RIMS2: variants seen among roughly 807,000 people sequenced by gnomAD.
The protein encoded by RIMS2 is regulating synaptic membrane exocytosis 2, also known as regulating synaptic membrane exocytosis protein 2.
In RIMS2, 59 loss-of-function variants were observed where a neutral mutation model predicts 174.4. The ratio of observed to expected loss-of-function variants is 0.34; its 90% CI spans 0.27 to 0.42. The LOEUF (loss-of-function observed/expected upper bound fraction) is 0.42. RIMS2 is among the 10% of genes least tolerant of loss of function. RIMS2 has a pLI of 1.00. For synonymous variants in RIMS2, 606 were observed against 572.5 expected, an observed-to-expected ratio of 1.06 and a Z score of -0.84; for missense variants, 1,620 against 1,666.3, an observed-to-expected ratio of 0.97 and a Z score of 0.48.
intron 19 of RIMS2, among the ~76,000 whole-genome samples, chr8:104,110,875 A>C (rs1359852316): frequency 6.6e-6 from 1 of 152,210 alleles, no homozygotes; most frequent in East Asian, 1.9e-4. Flanking sequence ...AGCATTTTCC[A>C]AACTTTGTTT....
Position 103,931,018 on chromosome 8 carries a change from C to A in RIMS2, c.2245-245C>A, listed in dbSNP as rs570437870. On this transcript the variant is annotated intron_variant, in intron 11 of 23. Transcript: ENST00000504942. The stretch of plus-strand genomic sequence containing the variant: ...ATGTAATTATTTGCATGTTAATAAG[C>A]AATCACATTAAGATAATAAAAAGCC... Among the ~76,000 whole-genome samples the A allele has an allele frequency of 3.9e-5, 6 of 152,112 alleles. No individual in the cohort carries two copies. In the South Asian group the frequency reaches 1.2e-3, roughly 32 times the overall value.
At chr8:103,628,675 G>GT (rs1049524474) in intron 1 of RIMS2, among the ~76,000 whole-genome samples, 4 of 150,186 alleles carry the variant, frequency 2.7e-5, no homozygotes, top group Non-Finnish European at 5.9e-5. Context: ...GGCCCTTGGG[G>GT]TTTTTTGTTT....
intron 1 of RIMS2, among the ~76,000 whole-genome samples, chr8:103,608,754 C>A (rs1481126031): frequency 6.6e-6 from 1 of 152,150 alleles, no homozygotes; most frequent in Non-Finnish European, 1.5e-5. Context: ...ACCCGATTTT[C>A]CAGGTGCCGT....
At chr8:104,155,439 A>T (rs2098716926) in intron 19 of RIMS2, among the ~76,000 whole-genome samples, 1 of 94,010 alleles carries the variant, frequency 1.1e-5, no homozygotes. Context: ...TCTGAGACAG[A>T]GTCTTGCTCT....
chr8:103,955,197 C>T lies in RIMS2; in HGVS notation c.2702-5868C>T, dbSNP rs573964010. On this transcript the variant is annotated intron_variant, in intron 14 of 23. Transcript: ENST00000504942. ...CAAAGAGGAGCTGGTACCATTCCTT[C>T]TGAAACTACCCCAAACAGTAGAAAA... Among the ~76,000 whole-genome samples, 3 of 152,292 alleles carry T rather than the reference C, an allele frequency of 2.0e-5. No homozygotes were observed. The East Asian group carries it at 5.8e-4, about 29-fold the overall frequency.
At chr8:104,253,878 C>T (rs1350184600), downstream of RIMS2, 1 of 151,994 alleles carries the variant, frequency 6.6e-6, no homozygotes, top group African/African-American at 2.4e-5. Context: ...ACTAAAAATG[C>T]CTTCTTTTTA....
At chr8:103,888,299 T>C (rs1266260882) in intron 4 of RIMS2, among the ~76,000 whole-genome samples, 1 of 151,554 alleles carries the variant, frequency 6.6e-6, no homozygotes, top group Non-Finnish European at 1.5e-5. Flanking sequence ...ATTCAAATGA[T>C]AAATACTAAG....
At chr8:103,695,680 T>G (rs1446445821) in intron 1 of RIMS2, among the ~76,000 whole-genome samples, 1 of 151,390 alleles carries the variant, frequency 6.6e-6, no homozygotes, top group Non-Finnish European at 1.5e-5. Flanking sequence ...CTTATTTATA[T>G]TTTTTAAAGC....
exon 4 of RIMS2, chr8:103,885,823 A>T (rs559002928): frequency 6.2e-7 from 1 of 1,612,986 alleles, no homozygotes; most frequent in African/African-American, 1.3e-5. Flanking sequence ...AAAATCAGCG[A>T]TCTTATTCAA....
At chr8:103,631,764 G>T (rs1037010518) in intron 1 of RIMS2, among the ~76,000 whole-genome samples, 2 of 152,158 alleles carry the variant, frequency 1.3e-5, no homozygotes, top group Admixed American at 1.3e-4. Context: ...CCATGAACAT[G>T]GGATGATTTT....
intron 19 of RIMS2, among the ~76,000 whole-genome samples, chr8:104,225,523 A>G (rs1303445278): frequency 6.6e-6 from 1 of 152,220 alleles, no homozygotes; most frequent in Admixed American, 6.5e-5. Context: ...TGCTTCAGAT[A>G]AGGTATCATC....
intron 19 of RIMS2, among the ~76,000 whole-genome samples, chr8:104,092,360 T>G (rs2097676378): frequency 6.6e-6 from 1 of 151,818 alleles, no homozygotes; most frequent in Non-Finnish European, 1.5e-5. Context: ...AATTCTCCTT[T>G]GCAAAATTAA....
intron 15 of RIMS2, among the ~76,000 whole-genome samples, chr8:103,967,170 G>GTTTTTTTTTGTTTTT (rs2092062578): frequency 4.0e-5 from 1 of 24,952 alleles, no homozygotes; most frequent in African/African-American, 2.1e-4. Flanking sequence ...ATCTGTTCTT[G>GTTTTTTTTTGTTTTT]TTTTTTTTTT....
At chr8:103,846,440 A>G (rs1270888732) in intron 3 of RIMS2, among the ~76,000 whole-genome samples, 16 of 152,164 alleles carry the variant, frequency 1.1e-4, no homozygotes, top group Non-Finnish European at 2.9e-5. Context: ...GACTCTGAAT[A>G]TAAATCCTTC....
chr8:103,896,977 G>A (rs1018336671), intron 4 of RIMS2, among the ~76,000 whole-genome samples: 3 of 151,738 alleles, frequency 2.0e-5, no homozygotes, highest in Admixed American at 1.3e-4. Context: ...CCACAGAAGG[G>A]CATGGATACT....
intron 1 of RIMS2, among the ~76,000 whole-genome samples, chr8:103,627,927 G>A (rs933649029): frequency 2.6e-5 from 4 of 151,992 alleles, no homozygotes; most frequent in Admixed American, 6.6e-5. Flanking sequence ...ACCTAAATGC[G>A]CCTGCTCCTT....
chr8:104,053,422 G>A lies in RIMS2; in HGVS notation c.3334+38807G>A, dbSNP rs62528362. Among the ~76,000 whole-genome samples, 939 of 152,274 alleles carry A rather than the reference G, an allele frequency of 6.2e-3. 12 individuals are homozygous for A. Among genetic ancestry groups the A allele is most frequent in the Non-Finnish European group, 7.6e-3 (519 of 68,014 alleles). The stretch of plus-strand genomic sequence containing the variant: ...ATAATGAATAATTGATGGCTAGATT[G>A]TTAATTCCACATATTATATCTTCTC... On this transcript the variant is annotated intron_variant, in intron 19 of 23. Coordinates refer to ENST00000504942, the Ensembl canonical transcript of RIMS2.
intron 2 of RIMS2, among the ~76,000 whole-genome samples, chr8:103,726,553 T>C (rs966824887): frequency 2.0e-5 from 3 of 151,852 alleles, no homozygotes; most frequent in African/African-American, 7.2e-5. Context: ...ATAGGCCATA[T>C]AGGTGTTTTT....
chr8:103,791,256 G>T (rs559687063), intron 3 of RIMS2, among the ~76,000 whole-genome samples: 1 of 152,184 alleles, frequency 6.6e-6, no homozygotes, highest in South Asian at 2.1e-4. Flanking sequence ...AAGAGAATAG[G>T]GGCCAATATT....
Sources: gnomAD v4.1 joint callset for allele counts (sites outside exome capture counted in the v4.1 genomes callset) on GRCh38, gnomAD v4.1.1 for gene constraint, MANE v1.5 for transcripts, NCBI Gene and HGNC (gene_info 2026-07-23, HGNC 2026-07-21) for gene names.